Variants in C1orf87 observed in about 807,000 individuals in gnomAD.
C1orf87 encodes the protein chromosome 1 open reading frame 87, also known as uncharacterized protein C1orf87.
C1orf87 carries 58 observed loss-of-function variants against 60.5 expected under a neutral mutation model. The observed-to-expected ratio is 0.96, with a 90% CI of 0.78 to 1.19. The LOEUF (loss-of-function observed/expected upper bound fraction) is 1.19, where lower values mean the gene tolerates loss of function less well. C1orf87 is among the 50% of genes most tolerant of loss of function. The probability of loss-of-function intolerance (pLI) is 0.00; values close to 1 mark genes in which losing one functional copy is unlikely to be tolerated. For missense variants in C1orf87, 673 were observed against 638.6 expected, an observed-to-expected ratio of 1.05 and a Z score of -0.58; for synonymous variants, 236 against 227.4, an observed-to-expected ratio of 1.04 and a Z score of -0.34.
intron 2 of C1orf87, among the ~76,000 whole-genome samples, chr1:60,070,964 G>A (rs1645580785): frequency 2.0e-5 from 3 of 152,166 alleles, no homozygotes; most frequent in African/African-American, 7.2e-5. Context: ...ATAAGGAATG[G>A]AATAGTAATA....
intron 11 of C1orf87, among the ~76,000 whole-genome samples, chr1:59,992,129 C>G (rs932740829): frequency 2.0e-5 from 3 of 152,204 alleles, no homozygotes; most frequent in Non-Finnish European, 4.4e-5. Context: ...GAGGGCAAAA[C>G]TAAAGCCTAG....
chr1:60,031,393 T>G (rs909505403), intron 7 of C1orf87, among the ~76,000 whole-genome samples: 9 of 152,196 alleles, frequency 5.9e-5, no homozygotes, highest in African/African-American at 2.2e-4. Flanking sequence ...TGTACCCCAT[T>G]TCCTTGGATC....
intron 10 of C1orf87, among the ~76,000 whole-genome samples, chr1:59,999,374 C>CT (rs956105665): frequency 1.3e-5 from 2 of 152,070 alleles, no homozygotes; most frequent in African/African-American, 2.4e-5. Context: ...GATTCTTATA[C>CT]TTTTTTTAGA....
At chr1:60,029,722 C>T (rs181805455) in intron 7 of C1orf87, among the ~76,000 whole-genome samples, 14 of 146,304 alleles carry the variant, frequency 9.6e-5, no homozygotes, top group Non-Finnish European at 1.9e-4. Flanking sequence ...CTTGCTGCAA[C>T]CTCCGCCTCC....
At chr1:60,072,737 A>G (rs1265508523) in intron 1 of C1orf87, 67 bp from the exon 2 acceptor site, 1 of 776,628 alleles carries the variant, frequency 1.3e-6, no homozygotes, top group Admixed American at 2.5e-5. Context: ...ATCCTTGCCA[A>G]TAACAACAAG....
intron 7 of C1orf87, among the ~76,000 whole-genome samples, chr1:60,027,264 G>C (rs758987898): frequency 1.1e-4 from 17 of 152,038 alleles, no homozygotes; most frequent in South Asian, 4.1e-4. Flanking sequence ...CTCTTTTATT[G>C]ATGCACTCAC....
At chr1:60,056,520 T>G (rs543175313) in intron 2 of C1orf87, among the ~76,000 whole-genome samples, 1 of 152,304 alleles carries the variant, frequency 6.6e-6, no homozygotes, top group Non-Finnish European at 1.5e-5. Context: ...AAAATAGTTA[T>G]GAATAATTTA....
intron 3 of C1orf87, among the ~76,000 whole-genome samples, chr1:60,046,866 CT>C (rs1181995689): frequency 5.3e-5 from 8 of 152,188 alleles, no homozygotes; most frequent in Non-Finnish European, 8.8e-5. Flanking sequence ...TCTGGCACCC[CT>C]ATGCTGTTTT....
At chr1:60,055,862 G>A (rs1400501499) in intron 2 of C1orf87, among the ~76,000 whole-genome samples, 2 of 151,604 alleles carry the variant, frequency 1.3e-5, no homozygotes, top group Admixed American at 1.3e-4. Flanking sequence ...TTTCTCCTGG[G>A]AGCCTTTCAT....
At chr1:60,036,750 A>C (rs939420837) in intron 6 of C1orf87, among the ~76,000 whole-genome samples, 4 of 152,158 alleles carry the variant, frequency 2.6e-5, no homozygotes, top group Non-Finnish European at 5.9e-5. Flanking sequence ...CAAACATGAA[A>C]ATATTATACT....
chr1:60,042,221 TTTTA>T (rs1477002432), intron 3 of C1orf87, among the ~76,000 whole-genome samples: 4 of 152,156 alleles, frequency 2.6e-5, no homozygotes, highest in Non-Finnish European at 5.9e-5. Context: ...CACATGGTTA[TTTTA>T]TTTATTTTAT....
At chr1:59,999,590 A>G (rs1413843219) in intron 10 of C1orf87, among the ~76,000 whole-genome samples, 1 of 152,148 alleles carries the variant, frequency 6.6e-6, no homozygotes, top group African/African-American at 2.4e-5. Flanking sequence ...GGAGATTTGT[A>G]GGGACCTGAA....
intron 11 of C1orf87, among the ~76,000 whole-genome samples, chr1:59,991,874 G>A (rs1404308234): frequency 6.6e-6 from 1 of 152,102 alleles, no homozygotes; most frequent in African/African-American, 2.4e-5. Context: ...TCACTCATAA[G>A]CCCCTAATTG....
chr1:60,019,221 G>C (rs1053279866), intron 8 of C1orf87, among the ~76,000 whole-genome samples: 1 of 152,096 alleles, frequency 6.6e-6, no homozygotes, highest in Admixed American at 6.6e-5. Context: ...GTTTTCACGA[G>C]ATCTGATAGT....
chr1:60,064,500 C>A (rs1359327297), intron 2 of C1orf87, among the ~76,000 whole-genome samples: 1 of 133,996 alleles, frequency 7.5e-6, no homozygotes, highest in Non-Finnish European at 1.6e-5. Context: ...ATGCACATAC[C>A]TTAATTAAAA....
At chr1:60,018,269 A>G (rs952122377) in intron 8 of C1orf87, among the ~76,000 whole-genome samples, 1 of 152,218 alleles carries the variant, frequency 6.6e-6, no homozygotes, top group Non-Finnish European at 1.5e-5. Context: ...TTAGCCAATG[A>G]CTGTTTAGGG....
chr1:60,067,156 A>G (rs1243182199), intron 2 of C1orf87, among the ~76,000 whole-genome samples: 2 of 152,164 alleles, frequency 1.3e-5, no homozygotes, highest in East Asian at 1.9e-4. Context: ...ATGTGTCTTT[A>G]TAGTAGAATG....
chr1:60,001,219 A>G, intron 9 of C1orf87, 63 bp from the exon 10 acceptor site: 2 of 1,178,014 alleles, frequency 1.7e-6, no homozygotes, highest in South Asian at 1.7e-5. Flanking sequence ...TAACACACAC[A>G]TATACACAAG....
rs77733954 is a variant in C1orf87 at position 60,001,169 on chromosome 1, A to G, written c.1193-13T>C. 5.0e-6 allele frequency: 1 copy of G among 200,142 alleles called. No individual in the cohort carries two copies. Among genetic ancestry groups the G allele is most frequent in the African/African-American group, 4.6e-5 (1 of 21,702 alleles). 12.4% of individuals were successfully genotyped at this position (200,142 alleles called of 1,614,324 possible). A position where few individuals can be genotyped will look rare whatever the true frequency, so the allele number is the denominator to read the frequency against. On this transcript the variant is annotated splice_polypyrimidine_tract_variant and intron_variant, in intron 9 of 11. Transcript: ENST00000371201. ...TTTTCATTCTTCCCTGAACAAGAAT[A>G]AAAAAAAAAAAAGGAAGGGTTTAGC...
Sources: allele counts gnomAD v4.1 joint callset (sites outside exome capture counted in the v4.1 genomes callset), GRCh38; gene constraint gnomAD v4.1.1; transcripts MANE v1.5; gene names NCBI Gene and HGNC (gene_info 2026-07-23, HGNC 2026-07-21).